MYO16: variants seen among roughly 807,000 people sequenced by gnomAD.
The protein encoded by MYO16 is myosin XVI, also known as unconventional myosin-XVI.
Under a neutral mutation model 205.3 loss-of-function variants are expected in MYO16, and 94 were observed. The ratio of observed to expected loss-of-function variants is 0.46; its 90% CI spans 0.39 to 0.54. The LOEUF is 0.54. Ranked by LOEUF, MYO16 falls within the 20% of genes least tolerant of loss-of-function variation. MYO16 has a pLI of 0.00. For synonymous variants in MYO16, 988 were observed against 954.0 expected (o/e 1.04, Z -0.66); for missense variants, 2,315 against 2,387.5 (o/e 0.97, Z 0.63).
intron 2 of MYO16, among the ~76,000 whole-genome samples, chr13:108,679,711 C>CAAAAAA (rs5806751): frequency 7.3e-6 from 1 of 136,098 alleles, no homozygotes; most frequent in Non-Finnish European, 1.6e-5. Flanking sequence ...CTTGGTTCTG[C>CAAAAAA]AAAAAAAAAA....
the MYO16 span, among the ~76,000 whole-genome samples, chr13:108,523,146 A>G: frequency 2.6e-5 from 4 of 152,176 alleles, no homozygotes; most frequent in Non-Finnish European, 4.4e-5. Context: ...AAACAGACGC[A>G]TCTGCTTGAT....
At chr13:109,126,477 C>T (rs187918719) in intron 30 of MYO16, among the ~76,000 whole-genome samples, 2 of 152,190 alleles carry the variant, frequency 1.3e-5, no homozygotes, top group South Asian at 4.1e-4. Flanking sequence ...CGTTGACATG[C>T]GAAGCCAGAA....
intron 1 of MYO16, among the ~76,000 whole-genome samples, chr13:108,617,608 C>G (rs1369629303): frequency 6.6e-6 from 1 of 152,066 alleles, no homozygotes; most frequent in Non-Finnish European, 1.5e-5. Context: ...GGGCCTAGTG[C>G]CTGCCTGATA....
intron 16 of MYO16, among the ~76,000 whole-genome samples, chr13:108,918,192 G>A (rs1396339054): frequency 6.6e-6 from 1 of 152,032 alleles, no homozygotes; most frequent in East Asian, 1.9e-4. Context: ...TTCATATTTT[G>A]GATGATAGTA....
chr13:109,135,646 A>G (rs1314370614), intron 31 of MYO16, among the ~76,000 whole-genome samples: 2 of 152,190 alleles, frequency 1.3e-5, no homozygotes, highest in Admixed American at 1.3e-4. Context: ...CTGCAGGCTC[A>G]CATTGCACCT....
chr13:109,001,430 C>G (rs546606062), intron 21 of MYO16, among the ~76,000 whole-genome samples: 3 of 152,046 alleles, frequency 2.0e-5, no homozygotes, highest in African/African-American at 4.8e-5. Flanking sequence ...ATTAGCTTAT[C>G]GGCAGAGGTA....
chr13:108,794,668 G>A (rs944237237), intron 6 of MYO16, among the ~76,000 whole-genome samples: 3 of 152,116 alleles, frequency 2.0e-5, no homozygotes, highest in East Asian at 1.9e-4. Flanking sequence ...TCTAATCACC[G>A]AAATAAGAAC....
chr13:108,722,739 G>T (rs968630192), intron 3 of MYO16, among the ~76,000 whole-genome samples: 3 of 152,152 alleles, frequency 2.0e-5, no homozygotes, highest in African/African-American at 7.2e-5. Flanking sequence ...GTAGATCCGG[G>T]CCTCACATTC....
intron 14 of MYO16, among the ~76,000 whole-genome samples, chr13:108,892,241 C>T (rs1880211517): frequency 6.6e-6 from 1 of 152,088 alleles, no homozygotes; most frequent in African/African-American, 2.4e-5. Flanking sequence ...AATTCTACAA[C>T]AAGCTCAAAA....
At chr13:109,101,158 A>G (rs1199769893) in intron 28 of MYO16, 4 of 353,294 alleles carry the variant, frequency 1.1e-5, no homozygotes, top group African/African-American at 8.2e-5. Context: ...CCCGTGTGTC[A>G]GATTCATACC....
At chr13:108,697,721 T>G (rs1883142905) in intron 2 of MYO16, among the ~76,000 whole-genome samples, 2 of 152,164 alleles carry the variant, frequency 1.3e-5, no homozygotes, top group Non-Finnish European at 2.9e-5. Context: ...TTTTCTTTCT[T>G]TTTCTTTTTT....
At chr13:108,518,687 A>C in the MYO16 span, among the ~76,000 whole-genome samples, 2 of 152,324 alleles carry the variant, frequency 1.3e-5, no homozygotes, top group Admixed American at 1.3e-4. Context: ...TGATAAAGTC[A>C]AAACAACGGA....
intron 9 of MYO16, among the ~76,000 whole-genome samples, chr13:108,838,253 G>GA (rs932816260): frequency 5.3e-5 from 8 of 150,106 alleles, no homozygotes; most frequent in Admixed American, 1.3e-4. Context: ...TTGTGAAAAT[G>GA]AAAAAAAAAT....
chr13:108,497,662 A>G, the MYO16 span, among the ~76,000 whole-genome samples: 1 of 152,228 alleles, frequency 6.6e-6, no homozygotes, highest in Non-Finnish European at 1.5e-5. Flanking sequence ...TTAATAAAGT[A>G]AAATGATTTG....
At chr13:108,920,861 A>G (rs900513524) in intron 16 of MYO16, among the ~76,000 whole-genome samples, 3 of 152,202 alleles carry the variant, frequency 2.0e-5, no homozygotes, top group African/African-American at 7.2e-5. Flanking sequence ...AGAGGCTCAG[A>G]TTTTAGAGGA....
intron 1 of MYO16, among the ~76,000 whole-genome samples, chr13:108,650,917 T>A (rs1367332297): frequency 6.6e-6 from 1 of 152,196 alleles, no homozygotes; most frequent in East Asian, 1.9e-4. Context: ...TTTAGAGAAA[T>A]TGTCATCTGA....
upstream of MYO16, among the ~76,000 whole-genome samples, chr13:108,592,076 G>GC (rs1878413615): frequency 7.1e-6 from 1 of 140,152 alleles, no homozygotes; most frequent in South Asian, 2.4e-4. Flanking sequence ...TGTGTGGGGG[G>GC]TGGGGGTGGA....
At chr13:109,023,817 A>G (rs1315568665) in intron 23 of MYO16, among the ~76,000 whole-genome samples, 1 of 136,264 alleles carries the variant, frequency 7.3e-6, no homozygotes, top group East Asian at 2.1e-4. Context: ...ATATATTTAT[A>G]TTTTATATTT....
intron 16 of MYO16, among the ~76,000 whole-genome samples, chr13:108,957,359 G>C (rs1185794951): frequency 8.5e-6 from 1 of 117,300 alleles, no homozygotes; most frequent in Non-Finnish European, 1.6e-5. Flanking sequence ...CTCCAGCCTG[G>C]ATGACAAGAG....
Sources: gnomAD v4.1 joint callset for allele counts (sites outside exome capture counted in the v4.1 genomes callset) on GRCh38, gnomAD v4.1.1 for gene constraint, MANE v1.5 for transcripts, NCBI Gene and HGNC (gene_info 2026-07-23, HGNC 2026-07-21) for gene names.